The following MTHFD1L variants were observed in gnomAD, a reference collection of about 807,000 sequenced individuals.
MTHFD1L encodes monofunctional C1-tetrahydrofolate synthase, mitochondrial.
MTHFD1L carries 81 observed loss-of-function variants against 119.5 expected under a neutral mutation model. The observed-to-expected ratio is 0.68, with a 90% confidence interval of 0.57 to 0.82. MTHFD1L has a LOEUF of 0.82. Ranked by LOEUF, MTHFD1L falls within the 40% of genes least tolerant of loss-of-function variation. The probability of loss-of-function intolerance (pLI) is 0.00; values close to 1 mark genes in which losing one functional copy is unlikely to be tolerated. For synonymous variants in MTHFD1L, 430 were observed against 475.2 expected, an observed-to-expected ratio of 0.90 and a Z score of 1.24; for missense variants, 1,125 against 1,253.4, an observed-to-expected ratio of 0.90 and a Z score of 1.55.
At chr6:150,936,033 A>G (rs544564418) in intron 11 of MTHFD1L, among the ~76,000 whole-genome samples, 6 of 152,226 alleles carry the variant, frequency 3.9e-5, no homozygotes, top group Non-Finnish European at 5.9e-5. Context: ...GTTGTCATCA[A>G]CAATAAGATT....
At chr6:150,918,405 G>A (rs546477077) in intron 8 of MTHFD1L, among the ~76,000 whole-genome samples, 172 bp from the exon 9 acceptor site, 2 of 152,288 alleles carry the variant, frequency 1.3e-5, no homozygotes, top group South Asian at 4.1e-4. Flanking sequence ...CAGGCCCAAT[G>A]GAGGGCCCCA....
chr6:151,003,339 C>A (rs953618464), intron 20 of MTHFD1L, among the ~76,000 whole-genome samples: 1 of 152,104 alleles, frequency 6.6e-6, no homozygotes, highest in Non-Finnish European at 1.5e-5. Context: ...CGAGACCAGC[C>A]CGACCAACAT....
intron 4 of MTHFD1L, among the ~76,000 whole-genome samples, chr6:150,880,940 G>GT (rs1013144007): frequency 6.6e-5 from 10 of 152,188 alleles, no homozygotes; most frequent in African/African-American, 2.4e-4. Flanking sequence ...TGAATTATTT[G>GT]TTTTTTTGTT....
At chr6:150,923,712 A>G (rs190165665) in intron 10 of MTHFD1L, among the ~76,000 whole-genome samples, 7 of 149,828 alleles carry the variant, frequency 4.7e-5, no homozygotes, top group African/African-American at 1.5e-4. Context: ...ATAGAATTGA[A>G]CTCCATTTCC....
At chr6:150,949,473 G>A (rs187868530) in intron 16 of MTHFD1L, among the ~76,000 whole-genome samples, 7 of 150,554 alleles carry the variant, frequency 4.6e-5, no homozygotes, top group Admixed American at 1.3e-4. Flanking sequence ...TAAAGACCAC[G>A]CCTCCCTGGC....
chr6:150,903,245 T>G (rs1400693947), intron 7 of MTHFD1L, among the ~76,000 whole-genome samples: 3 of 126,018 alleles, frequency 2.4e-5, no homozygotes, highest in Non-Finnish European at 4.7e-5. Flanking sequence ...TGAGACAGAG[T>G]CTTGCTCCAT....
In MTHFD1L at chr6:151,007,238, C is replaced by A. The variant is rs187620930; in HGVS notation, c.2126-2581C>A. Among the ~76,000 whole-genome samples the A allele has an allele frequency of 5.6e-3, 848 of 151,994 alleles. 6 individuals are homozygous for A. The highest frequency in any genetic ancestry group is 0.018 in the South Asian group (88 of 4,812). Reference sequence around the variant, plus strand: ...ACCCCCTCTCTCCAACCCTCCCAGGCAAACTCCGTCCCTCCCAGTGTGCCG... The same window carrying A: ...ACCCCCTCTCTCCAACCCTCCCAGGAAAACTCCGTCCCTCCCAGTGTGCCG... On this transcript the variant is annotated intron_variant, in intron 20 of 27. Transcript: ENST00000367321.
chr6:150,982,101 A>AGAGAGAGAGAGAGGGAGAGGGG (rs1742010109), intron 20 of MTHFD1L, among the ~76,000 whole-genome samples: 6 of 150,714 alleles, frequency 4.0e-5, no homozygotes, highest in African/African-American at 1.5e-4. Flanking sequence ...CTTGAAAGAA[A>AGAGAGAGAGAGAGGGAGAGGGG]GAGAGAGAGA....
chr6:150,914,204 G>A (rs1220251644), intron 8 of MTHFD1L, among the ~76,000 whole-genome samples: 1 of 152,200 alleles, frequency 6.6e-6, no homozygotes, highest in Non-Finnish European at 1.5e-5. Flanking sequence ...GGCTGAGGTG[G>A]GAAGATGGCT....
chr6:150,921,480 G>A (rs1171812875), intron 9 of MTHFD1L, among the ~76,000 whole-genome samples: 1 of 152,140 alleles, frequency 6.6e-6, no homozygotes, highest in African/African-American at 2.4e-5. Flanking sequence ...TTGAATTCCT[G>A]ACCTCAAGTG....
chr6:150,885,042 C>G (rs1782005779), intron 5 of MTHFD1L, among the ~76,000 whole-genome samples: 1 of 152,074 alleles, frequency 6.6e-6, no homozygotes, highest in African/African-American at 2.4e-5. Context: ...AAGTGAAGCC[C>G]TGTATGGCTT....
At chr6:151,085,500 T>C (rs1448255704) in intron 26 of MTHFD1L, among the ~76,000 whole-genome samples, 1 of 152,148 alleles carries the variant, frequency 6.6e-6, no homozygotes, top group Non-Finnish European at 1.5e-5. Context: ...GCCGGGCGCG[T>C]TGTCTCACGC....
At chr6:150,960,463 C>T in intron 18 of MTHFD1L, 48 bp downstream of exon 18, 1 of 1,547,494 alleles carries the variant, frequency 6.5e-7, no homozygotes, top group Non-Finnish European at 8.7e-7. Context: ...GGTCCTCGTT[C>T]TTCGTTACCA....
In MTHFD1L at chr6:150,902,977, C is replaced by G. The variant is rs143142353; in HGVS notation, c.781-2673C>G. On this transcript the variant is annotated intron_variant, in intron 7 of 27. Transcript: ENST00000367321. The stretch of plus-strand genomic sequence containing the variant: ...TCTTATCTGCAGAACTGCGACAAAG[C>G]TTAAACATTTGTATTTCTCTTGAGG... Among the ~76,000 whole-genome samples, 478 of 152,236 alleles carry G rather than the reference C, an allele frequency of 3.1e-3. 3 individuals are homozygous for G. Among genetic ancestry groups the G allele is most frequent in the African/African-American group, 0.011 (464 of 41,542 alleles).
intron 24 of MTHFD1L, chr6:151,022,030 C>G (rs1361123192): frequency 2.1e-6 from 1 of 471,176 alleles, no homozygotes; most frequent in South Asian, 1.5e-5. Flanking sequence ...TGCGTGAAGC[C>G]ATTCTCTTGA....
chr6:150,932,793 A>AGG (rs1562404583), intron 11 of MTHFD1L, among the ~76,000 whole-genome samples: 75 of 141,428 alleles, frequency 5.3e-4, no homozygotes, highest in African/African-American at 2.0e-3. Context: ...AGAGAAAGGA[A>AGG]GAAAGGGAGG....
At chr6:150,903,203 A>ATTTTTTTTTTTTTTTT (rs774695918) in intron 7 of MTHFD1L, among the ~76,000 whole-genome samples, 8 of 85,472 alleles carry the variant, frequency 9.4e-5, no homozygotes, top group African/African-American at 3.5e-4. Context: ...TGGCTGCAAA[A>ATTTTTTTTTTTTTTTT]TTTTTTTTTT....
intron 12 of MTHFD1L, among the ~76,000 whole-genome samples, chr6:150,938,261 G>A (rs1008846212): frequency 2.6e-5 from 4 of 151,950 alleles, no homozygotes; most frequent in African/African-American, 4.8e-5. Flanking sequence ...CAAGTGATCC[G>A]CCTGCCTCAG....
intron 8 of MTHFD1L, among the ~76,000 whole-genome samples, chr6:150,908,730 G>C (rs1329781878): frequency 6.6e-6 from 1 of 151,982 alleles, no homozygotes; most frequent in East Asian, 1.9e-4. Context: ...TTTCGGGGTG[G>C]TGCTACCCAT....
Sources: allele counts gnomAD v4.1 joint callset (sites outside exome capture counted in the v4.1 genomes callset), GRCh38; gene constraint gnomAD v4.1.1; transcripts MANE v1.5; gene names NCBI Gene and HGNC (gene_info 2026-07-23, HGNC 2026-07-21).